Variants in STRADA observed in about 807,000 individuals in gnomAD.
STRADA encodes STE20 related adaptor alpha, also known as STE20-related kinase adapter protein alpha.
STRADA carries 26 observed loss-of-function variants against 55.0 expected under a neutral mutation model. That is an observed-to-expected ratio of 0.47 (90% CI 0.35 to 0.66). The LOEUF (loss-of-function observed/expected upper bound fraction) is 0.66, where lower values mean the gene tolerates loss of function less well. Among genes scored for constraint, STRADA ranks in the 30% least tolerant of loss-of-function variants. The pLI is 0.01. For synonymous variants in STRADA, 197 were observed against 210.9 expected, an observed-to-expected ratio of 0.93 and a Z score of 0.57; for missense variants, 443 against 549.7, an observed-to-expected ratio of 0.81 and a Z score of 1.94.
chr17:63,738,972 A>C (rs1210073655), intron 1 of STRADA, among the ~76,000 whole-genome samples: 1 of 151,982 alleles, frequency 6.6e-6, no homozygotes, highest in East Asian at 1.9e-4. Context: ...TAACATGATG[A>C]AACCTCATCT....
At chr17:63,726,069 GTTGCCCTAAATTAAGATGACAGTTCCCAA>G (rs2037639285) in intron 3 of STRADA, 1 of 152,094 alleles carries the variant, frequency 6.6e-6, no homozygotes, top group Admixed American at 6.6e-5. Flanking sequence ...AATAATTTTT[GTTGCCCTAAATTAAGATGACAGTTCCCAA>G]AAAGGCTCAC....
At chr17:63,704,705 G>T in intron 10 of STRADA, 123 bp from the exon 11 acceptor site, 2 of 1,504,870 alleles carry the variant, frequency 1.3e-6, no homozygotes, top group Non-Finnish European at 1.8e-6. Flanking sequence ...CATTTGAAGA[G>T]TGGAAAAGGT....
Position 63,728,413 on chromosome 17 carries a change from C to A in STRADA, c.-44G>T. The A allele has an allele frequency of 6.5e-7, 1 of 1,549,252 alleles. No homozygotes were observed. The highest frequency in any genetic ancestry group is 8.8e-7 in the Non-Finnish European group (1 of 1,141,904). On this transcript the variant is annotated splice_region_variant and 5_prime_UTR_variant, in exon 2 of 13. Coordinates refer to ENST00000336174, the MANE Select transcript of STRADA (RefSeq NM_001003787.4). The stretch of plus-strand genomic sequence containing the variant: ...CCTACTTCAGTTTCAAAAACTTAAA[C>A]CTAAAAGGAAAATAGAAACAGGTTG...
chr17:63,716,687 G>A (rs1181639341), intron 4 of STRADA, among the ~76,000 whole-genome samples: 2 of 152,114 alleles, frequency 1.3e-5, no homozygotes, highest in Non-Finnish European at 2.9e-5. Context: ...GTTAGGAAAT[G>A]CAGCACACTC....
chr17:63,715,941 A>C (rs181580288), intron 4 of STRADA, among the ~76,000 whole-genome samples: 1 of 152,242 alleles, frequency 6.6e-6, no homozygotes, highest in Non-Finnish European at 1.5e-5. Flanking sequence ...GCTACTATAA[A>C]CATGTTTGAA....
rs546465453 is a variant in STRADA at position 63,703,842 on chromosome 17, G to A, written c.1144-91C>T. 6.0e-5 allele frequency: 97 copies of A among 1,610,012 alleles called. 1 individual carries two copies. Among genetic ancestry groups the A allele is most frequent in the African/African-American group, 6.0e-4 (45 of 74,908 alleles). On this transcript the variant is annotated intron_variant, in intron 12 of 12. Transcript: ENST00000336174. Reference sequence around the variant, plus strand: ...AGGAACCATGGCCTGGTGGCAGACGGGCTGTCGGAGCCAACTCCATGAGAG... The same window carrying A: ...AGGAACCATGGCCTGGTGGCAGACGAGCTGTCGGAGCCAACTCCATGAGAG...
At chr17:63,740,248 C>G (rs923454671) in intron 1 of STRADA, among the ~76,000 whole-genome samples, 1 of 150,962 alleles carries the variant, frequency 6.6e-6, no homozygotes, top group Non-Finnish European at 1.5e-5. Flanking sequence ...CGGTGGCTCA[C>G]GCCTGTAATC....
chr17:63,727,477 T>C (rs2037738380), intron 2 of STRADA: 1 of 152,310 alleles, frequency 6.6e-6, no homozygotes, highest in Middle Eastern at 3.4e-3. Context: ...AACAGTGAAG[T>C]TTACTCTTTC....
At chr17:63,731,159 GTC>G (rs1240353829) in intron 1 of STRADA, among the ~76,000 whole-genome samples, 1 of 150,910 alleles carries the variant, frequency 6.6e-6, no homozygotes, top group Non-Finnish European at 1.5e-5. Flanking sequence ...GGCCAGGATG[GTC>G]TCGATCTCCT....
intron 10 of STRADA, 64 bp from the exon 11 acceptor site, chr17:63,704,646 G>A (rs990670439): frequency 1.3e-6 from 2 of 1,519,808 alleles, no homozygotes; most frequent in African/African-American, 2.8e-5. Context: ...TCCCTGGAAG[G>A]CCTGAGAGTC....
intron 5 of STRADA, 72 bp from the exon 6 acceptor site, chr17:63,713,599 AAAG>A: frequency 6.4e-7 from 1 of 1,570,258 alleles, no homozygotes; most frequent in Non-Finnish European, 8.6e-7. Flanking sequence ...TTCCTTTAAA[AAAG>A]GGACTTGATT....
At chr17:63,736,927 T>C (rs78409394) in intron 1 of STRADA, among the ~76,000 whole-genome samples, 5,023 of 144,472 alleles carry the variant, frequency 0.035, 305 homozygotes, top group African/African-American at 0.12. Flanking sequence ...AAGTCCGAAT[T>C]TGAAACAAAC....
chr17:63,736,098 C>T (rs150931295), intron 1 of STRADA, among the ~76,000 whole-genome samples: 17 of 152,172 alleles, frequency 1.1e-4, no homozygotes, highest in Admixed American at 5.9e-4. Flanking sequence ...TGTGCCACTA[C>T]GCCCGGCTGA....
rs1192682066 is a variant in STRADA at position 63,732,949 on chromosome 17, G to A, written c.-44-4536C>T. On this transcript the variant is annotated intron_variant, in intron 1 of 12. Coordinates refer to ENST00000336174, the MANE Select transcript of STRADA (RefSeq NM_001003787.4). ...GTTGCCCAGGCTGCAATGCAATGGT[G>A]TGGTCTCGGCTCACTGCAACCTCCA... Among the ~76,000 whole-genome samples the A allele has an allele frequency of 2.6e-5, 4 of 152,220 alleles. No homozygotes were observed. In the East Asian group the frequency reaches 7.7e-4, roughly 29 times the overall value.
chr17:63,714,825 G>A lies in STRADA; in HGVS notation c.124-717C>T, dbSNP rs887748701. The stretch of plus-strand genomic sequence containing the variant: ...TCTGGCCTCTAAGGTCCTAGAGGAA[G>A]GTGTCCAGCCATGTCTGAGTTTGTG... On this transcript the variant is annotated intron_variant, in intron 4 of 12. Transcript: ENST00000336174. 8.5e-5 allele frequency among the ~76,000 whole-genome samples: 13 copies of A among 152,338 alleles called. No homozygotes were observed. In the East Asian group the frequency reaches 2.5e-3, roughly 29 times the overall value.
rs138196043 is a variant in STRADA, at chr17:63,714,024, C to T, written c.208G>A (p.Glu70Lys). 9 of 1,613,674 alleles carry T rather than the reference C, an allele frequency of 5.6e-6. No homozygotes were observed. The highest frequency in any genetic ancestry group is 1.7e-4 in the Middle Eastern group (1 of 6,052). Residue 70 changes from glutamate to lysine, a missense_variant, in exon 5 of 13, where the codon GAG becomes AAG. Glu to Lys is a moderately conservative substitution (Grantham distance 56). Coordinates refer to ENST00000336174, the MANE Select transcript of STRADA (RefSeq NM_001003787.4). ...CACATACCTATCACAGTGAGCAGCT[C>T]GTAACACCCTCCCTCTGGCAGAAAG... is the stretch of plus-strand genomic sequence containing the variant. ...SSFLPEGGCY[E>K]LLTVIGKGFE...
At chr17:63,722,755 A>G (rs545594679) in intron 4 of STRADA, among the ~76,000 whole-genome samples, 1 of 152,362 alleles carries the variant, frequency 6.6e-6, no homozygotes, top group African/African-American at 2.4e-5. Context: ...TTTAAGTAAA[A>G]TAAACTAGAA....
At chr17:63,711,031 C>A in intron 6 of STRADA, 195 bp from the exon 7 acceptor site, 1 of 576,144 alleles carries the variant, frequency 1.7e-6, no homozygotes, top group East Asian at 2.9e-5. Context: ...CCCAGCACTG[C>A]TTTGCCTCTG....
chr17:63,703,347 C>T lies in STRADA; in HGVS notation c.*252G>A, dbSNP rs779781990. ...CTGCGGAGGAGGTCACCTGAGCTCA[C>T]AGGACTGGGAATGTCGGCTTTGGAC... is the stretch of plus-strand genomic sequence containing the variant. On this transcript the variant is annotated 3_prime_UTR_variant, in exon 13 of 13. Transcript: ENST00000336174. 1 of 417,710 alleles carries T rather than the reference C, an allele frequency of 2.4e-6. No individual in the cohort carries two copies. Among genetic ancestry groups the T allele is most frequent in the Non-Finnish European group, 4.3e-6 (1 of 232,520 alleles). The allele number at this position is 417,710 out of a possible 1,614,324, so 25.9% of individuals were successfully genotyped here. A position where few individuals can be genotyped will look rare whatever the true frequency, so the allele number is the denominator to read the frequency against.
Sources: allele counts gnomAD v4.1 joint callset (sites outside exome capture counted in the v4.1 genomes callset), GRCh38; gene constraint gnomAD v4.1.1; transcripts MANE v1.5; gene names NCBI Gene and HGNC (gene_info 2026-07-23, HGNC 2026-07-21).